SPATA17: variants seen among roughly 807,000 people sequenced by gnomAD.
The protein encoded by SPATA17 is spermatogenesis associated 17, also known as spermatogenesis-associated protein 17.
A neutral mutation model predicts 62.2 loss-of-function variants in SPATA17; 53 were observed. The observed-to-expected ratio is 0.85, with a 90% CI of 0.68 to 1.07. The LOEUF (loss-of-function observed/expected upper bound fraction) is 1.07. SPATA17 is among the 50% of genes least tolerant of loss of function. The pLI, the probability that SPATA17 is intolerant of heterozygous loss-of-function variation, is 0.00. For synonymous variants in SPATA17, 146 were observed against 146.8 expected, an observed-to-expected ratio of 0.99 and a Z score of 0.04; for missense variants, 466 against 425.5, an observed-to-expected ratio of 1.10 and a Z score of -0.84.
chr1:217,742,788 A>G (rs1292600836), intron 6 of SPATA17, among the ~76,000 whole-genome samples: 1 of 151,984 alleles, frequency 6.6e-6, no homozygotes, highest in African/African-American at 2.4e-5. Flanking sequence ...GAAACTAGCA[A>G]TTTCCGGGTT....
At chr1:217,648,810 A>C (rs1295864066) in intron 1 of SPATA17, 72 bp from the exon 2 acceptor site, 14 of 830,752 alleles carry the variant, frequency 1.7e-5, no homozygotes, top group Non-Finnish European at 2.6e-5. Flanking sequence ...TTAAAAATCA[A>C]GTTTAACAGG....
intron 9 of SPATA17, among the ~76,000 whole-genome samples, chr1:217,809,119 T>C (rs1674518628): frequency 6.6e-6 from 1 of 152,150 alleles, no homozygotes; most frequent in South Asian, 2.1e-4. Context: ...AGAAACATTA[T>C]TTTTTAAGGA....
chr1:217,796,372 TTAA>T (rs896443928), intron 8 of SPATA17, among the ~76,000 whole-genome samples: 1 of 151,830 alleles, frequency 6.6e-6, no homozygotes, highest in African/African-American at 2.4e-5. Flanking sequence ...TTTGAGATTG[TTAA>T]TAATAATAAT....
At chr1:217,686,138 G>A (rs1671210107) in intron 5 of SPATA17, among the ~76,000 whole-genome samples, 1 of 152,036 alleles carries the variant, frequency 6.6e-6, no homozygotes, top group South Asian at 2.1e-4. Context: ...TATTGCAATT[G>A]TCAGATCCTA....
intron 9 of SPATA17, among the ~76,000 whole-genome samples, chr1:217,815,771 A>C (rs144174788): frequency 6.6e-6 from 1 of 152,282 alleles, no homozygotes; most frequent in South Asian, 2.1e-4. Context: ...TCAAGACTGC[A>C]ACATCAATTC....
chr1:217,817,743 T>C (rs956311912), intron 9 of SPATA17, among the ~76,000 whole-genome samples: 1 of 152,118 alleles, frequency 6.6e-6, no homozygotes, highest in African/African-American at 2.4e-5. Flanking sequence ...GTAAGTCTAA[T>C]ATTTTTCTTC....
At chr1:217,823,483 G>A (rs1481296549) in intron 9 of SPATA17, among the ~76,000 whole-genome samples, 2 of 151,896 alleles carry the variant, frequency 1.3e-5, no homozygotes, top group East Asian at 3.9e-4. Flanking sequence ...TTAGCATGTG[G>A]CAGGTTATAC....
intron 4 of SPATA17, among the ~76,000 whole-genome samples, chr1:217,673,888 C>T (rs1670887391): frequency 6.6e-6 from 1 of 152,130 alleles, no homozygotes; most frequent in Non-Finnish European, 1.5e-5. Context: ...ATTTCTTGTC[C>T]CTTTTTCCCA....
intron 5 of SPATA17, among the ~76,000 whole-genome samples, chr1:217,724,671 C>CA (rs1672221110): frequency 6.6e-6 from 1 of 152,078 alleles, no homozygotes; most frequent in East Asian, 1.9e-4. Flanking sequence ...CAACAGTGCA[C>CA]AAAAATTCCT....
At chr1:217,856,066 A>G (rs1675780122) in intron 9 of SPATA17, among the ~76,000 whole-genome samples, 1 of 152,100 alleles carries the variant, frequency 6.6e-6, no homozygotes, top group Admixed American at 6.6e-5. Flanking sequence ...GTATATAAAA[A>G]CAGGAAAAGA....
In SPATA17 at chr1:217,814,659, G is replaced by A. The variant is rs142175856; in HGVS notation, c.1005+12809G>A. Reference sequence around the variant, plus strand: ...GCCTAGGAGTTTGAGACCAGCCTGGGCAACATAGAGAGACCCTGTCTCCGC... The same window carrying A: ...GCCTAGGAGTTTGAGACCAGCCTGGACAACATAGAGAGACCCTGTCTCCGC... On this transcript the variant is annotated intron_variant, in intron 9 of 10. Coordinates refer to ENST00000366933, the MANE Select transcript of SPATA17 (RefSeq NM_138796.4). Among the ~76,000 whole-genome samples, 1,306 of 152,008 alleles carry A rather than the reference G, an allele frequency of 8.6e-3. 13 individuals carry two copies. The highest frequency in any genetic ancestry group is 0.03 in the African/African-American group (1,240 of 41,472).
At chr1:217,696,488 A>G (rs12082292) in intron 5 of SPATA17, among the ~76,000 whole-genome samples, 6,162 of 152,318 alleles carry the variant, frequency 0.04, 373 homozygotes, top group African/African-American at 0.14. Context: ...GCTGTAGACC[A>G]GAGCTGTTCC....
At chr1:217,730,465 T>TAC (rs1200547116) in intron 5 of SPATA17, among the ~76,000 whole-genome samples, 2 of 151,978 alleles carry the variant, frequency 1.3e-5, no homozygotes, top group Non-Finnish European at 2.9e-5. Context: ...GATCTATCTA[T>TAC]ACACCTTGGC....
chr1:217,824,295 A>T (rs1674936005), intron 9 of SPATA17, among the ~76,000 whole-genome samples: 1 of 151,758 alleles, frequency 6.6e-6, no homozygotes, highest in Non-Finnish European at 1.5e-5. Context: ...TTAGTATTTT[A>T]TGTTGATTAA....
intron 6 of SPATA17, among the ~76,000 whole-genome samples, chr1:217,770,156 T>C (rs1673403864): frequency 6.6e-6 from 1 of 152,238 alleles, no homozygotes; most frequent in African/African-American, 2.4e-5. Context: ...ATATCATTTT[T>C]TAAAAGCAAA....
At chr1:217,808,200 G>A (rs979791590) in intron 9 of SPATA17, among the ~76,000 whole-genome samples, 10 of 152,134 alleles carry the variant, frequency 6.6e-5, no homozygotes, top group African/African-American at 2.4e-4. Flanking sequence ...TCTGAGATAA[G>A]CAAGTGTTGT....
intron 3 of SPATA17, among the ~76,000 whole-genome samples, chr1:217,660,878 ATGT>A (rs1202613337): frequency 6.6e-6 from 1 of 152,190 alleles, no homozygotes; most frequent in Non-Finnish European, 1.5e-5. Context: ...AAAAGCAAGG[ATGT>A]TTATAAGAAA....
chr1:217,829,699 C>T (rs951919293), intron 9 of SPATA17, among the ~76,000 whole-genome samples: 3 of 135,548 alleles, frequency 2.2e-5, no homozygotes, highest in South Asian at 2.4e-4. Flanking sequence ...TATTTTAAAA[C>T]GAGCTCAAAT....
At chr1:217,814,977 CT>C (rs1674676817) in intron 9 of SPATA17, among the ~76,000 whole-genome samples, 1 of 152,088 alleles carries the variant, frequency 6.6e-6, no homozygotes, top group African/African-American at 2.4e-5. Context: ...TATGTTATCT[CT>C]GCATTTTTCT....
Sources: allele counts gnomAD v4.1 joint callset (sites outside exome capture counted in the v4.1 genomes callset), GRCh38; gene constraint gnomAD v4.1.1; transcripts MANE v1.5; gene names NCBI Gene and HGNC (gene_info 2026-07-23, HGNC 2026-07-21).